The following RAPGEFL1 variants were observed in gnomAD, a reference collection of about 807,000 sequenced individuals.
RAPGEFL1 encodes Rap guanine nucleotide exchange factor like 1, also known as rap guanine nucleotide exchange factor-like 1.
RAPGEFL1 carries 31 observed loss-of-function variants against 64.4 expected under a neutral mutation model. The observed-to-expected ratio is 0.48, with a 90% CI of 0.36 to 0.65. The LOEUF (loss-of-function observed/expected upper bound fraction) is 0.65. RAPGEFL1 is among the 30% of genes least tolerant of loss of function. The pLI is 0.00. For synonymous variants in RAPGEFL1, 331 were observed against 274.1 expected (o/e 1.21, Z -2.05); for missense variants, 682 against 677.4 (o/e 1.01, Z -0.08).
In RAPGEFL1 at chr17:40,189,333, C is replaced by A; in HGVS notation, c.1072C>A (p.Arg358Ser). Reference protein sequence around the residue: ...KLQYSEEPAGREDSLILVAVS... With the variant: ...KLQYSEEPAGSEDSLILVAVS... ...TCAATATTCAGAGGAGCCCGCGGGG[C>A]GTGAGGATTCCCTCATCCTGGTAGC... is the stretch of plus-strand genomic sequence containing the variant. Residue 358 changes from arginine (R) to serine (S), a missense_variant, in exon 6 of 15, where the codon CGT (arginine) becomes AGT (serine). This residue lies in a region of RAPGEFL1 where 411 missense variants were observed against 519.4 expected (regional missense o/e 0.79). Transcript: ENST00000620260. The A allele has an allele frequency of 1.2e-6, 2 of 1,614,102 alleles. No individual in the cohort carries two copies. The highest frequency in any genetic ancestry group is 1.7e-6 in the Non-Finnish European group (2 of 1,180,028).
In RAPGEFL1 at chr17:40,192,701, A is replaced by T; in HGVS notation, c.1744+8A>T. The stretch of plus-strand genomic sequence containing the variant: ...TGCCTCTGATCCTCAAAGGTGAGAG[A>T]GTTACTCCCAAGCTGTGCCGCTTCC... On this transcript the variant is annotated splice_region_variant and intron_variant, in intron 12 of 14. Transcript: ENST00000620260. The T allele has an allele frequency of 6.2e-7, 1 of 1,608,552 alleles. No individual in the cohort carries two copies. The highest frequency in any genetic ancestry group is 1.1e-5 in the South Asian group (1 of 90,934).
chr17:40,177,630 G>T lies in RAPGEFL1; in HGVS notation c.-232G>T, dbSNP rs958461337. ...TTCGGGCCGCGTGCCGGCTGCAGCC[G>T]GCATGGGGGGTTGCTGAGAGCGAGC... On this transcript the variant is annotated 5_prime_UTR_variant, in exon 1 of 15. Transcript: ENST00000620260. The T allele has an allele frequency of 1.0e-5, 4 of 399,992 alleles. No homozygotes were observed. Among genetic ancestry groups the T allele is most frequent in the African/African-American group, 8.3e-5 (4 of 47,932 alleles). 24.8% of individuals were successfully genotyped at this position (399,992 alleles called of 1,614,324 possible). A position where few individuals can be genotyped will look rare whatever the true frequency, so the allele number is the denominator to read the frequency against.
At chr17:40,184,372 TG>T (rs1314515426) in intron 3 of RAPGEFL1, 23 bp downstream of exon 3, 10 of 1,590,540 alleles carry the variant, frequency 6.3e-6, no homozygotes, top group Non-Finnish European at 8.6e-6. Context: ...GAAGAGAAGG[TG>T]GGTAAACAGG....
chr17:40,184,209 G>T lies in RAPGEFL1; in HGVS notation c.600-5G>T. On this transcript the variant is annotated splice_region_variant and splice_polypyrimidine_tract_variant and intron_variant, in intron 2 of 14. Transcript: ENST00000620260. ...CGTAGGGATTTTTCTTAACTTAAGG[G>T]TCAGCTTTGTTCGGGCAGGAGGCAT... is the stretch of plus-strand genomic sequence containing the variant. 1 of 1,599,512 alleles carries T rather than the reference G, an allele frequency of 6.3e-7. No individual in the cohort carries two copies. The highest frequency in any genetic ancestry group is 8.6e-7 in the Non-Finnish European group (1 of 1,167,104).
Position 40,178,100 on chromosome 17 carries a change from C to T in RAPGEFL1, c.239C>T (p.Pro80Leu), listed in dbSNP as rs1185790931. The T allele has an allele frequency of 8.5e-6, 5 of 585,850 alleles. No homozygotes were observed. Among genetic ancestry groups the T allele is most frequent in the Non-Finnish European group, 1.5e-5 (5 of 333,272 alleles). 36.3% of individuals were successfully genotyped at this position (585,850 alleles called of 1,614,324 possible). A position where few individuals can be genotyped will look rare whatever the true frequency, so the allele number is the denominator to read the frequency against. Residue 80 changes from proline to leucine, a missense_variant, in exon 1 of 15, where the codon CCC becomes CTC. Coordinates refer to ENST00000620260, the MANE Select transcript of RAPGEFL1 (RefSeq NM_016339.6). ...CCCGCCGAGCCGGGGCTGGAGCCGCCCCCTGAGGAGGAAGGAGGAGAGCCG... is the reference window on the plus strand; with the variant it reads ...CCCGCCGAGCCGGGGCTGGAGCCGCTCCCTGAGGAGGAAGGAGGAGAGCCG... ...EPPAEPGLEPPPEEEGGEPAG... is the reference protein window; with the variant it reads ...EPPAEPGLEPLPEEEGGEPAG...
In RAPGEFL1 at chr17:40,177,908, C is replaced by A; in HGVS notation, c.47C>A (p.Ala16Glu). The stretch of plus-strand genomic sequence containing the variant: ...CTGAAGAAGCAGACGTCGCAGCTGG[C>A]GGGCCGAACGGTGGCGGGAGGTCCC... ...KFLKKQTSQL[A>E]GRTVAGGPGG... Residue 16 changes from alanine to glutamate, a missense_variant, in exon 1 of 15, where the codon GCG (alanine) becomes GAG (glutamate). This residue lies in a region of RAPGEFL1 where 271 missense variants were observed against 158.0 expected (regional missense o/e 1.72). Coordinates refer to ENST00000620260, the MANE Select transcript of RAPGEFL1 (RefSeq NM_016339.6). 2 of 406,710 alleles carry A rather than the reference C, an allele frequency of 4.9e-6. No homozygotes were observed. The highest frequency in any genetic ancestry group is 8.7e-6 in the Non-Finnish European group (2 of 229,514). The allele number at this position is 406,710 out of a possible 1,614,324, so 25.2% of individuals were successfully genotyped here. A position where few individuals can be genotyped will look rare whatever the true frequency, so the allele number is the denominator to read the frequency against.
intron 4 of RAPGEFL1, among the ~76,000 whole-genome samples, chr17:40,186,516 C>T (rs1351856120): frequency 7.9e-4 from 105 of 133,388 alleles, no homozygotes; most frequent in African/African-American, 2.8e-3. Context: ...TGCAGTGAGC[C>T]GAGATTGCGC....
At chr17:40,185,655 G>A (rs1166032784) in intron 4 of RAPGEFL1, among the ~76,000 whole-genome samples, 1 of 151,610 alleles carries the variant, frequency 6.6e-6, no homozygotes, top group African/African-American at 2.4e-5. Context: ...GTGGTAGGGC[G>A]CTCCTGTAGT....
At chr17:40,192,847 G>A (rs950309252) in intron 12 of RAPGEFL1, 79 bp from the exon 13 acceptor site, 9 of 1,389,060 alleles carry the variant, frequency 6.5e-6, no homozygotes, top group East Asian at 4.6e-5. Context: ...GGGGAAGAGC[G>A]GGGTCCTCGG....
chr17:40,186,368 A>T (rs1990071952), intron 4 of RAPGEFL1, among the ~76,000 whole-genome samples: 1 of 148,378 alleles, frequency 6.7e-6, no homozygotes, highest in African/African-American at 2.5e-5. Flanking sequence ...GGAGATCGAG[A>T]CCATCCTGGC....
intron 8 of RAPGEFL1, 108 bp downstream of exon 8, chr17:40,190,870 GC>G: frequency 4.6e-6 from 7 of 1,511,976 alleles, no homozygotes; most frequent in Non-Finnish European, 6.3e-6. Context: ...CTTGCAGCAA[GC>G]CCTTGGGCAA....
chr17:40,193,459 G>A (rs1567697946), intron 14 of RAPGEFL1, 42 bp downstream of exon 14: 1 of 1,609,636 alleles, frequency 6.2e-7, no homozygotes, highest in East Asian at 2.2e-5. Context: ...ATAGAGCTTT[G>A]ACTGAACGGG....
chr17:40,178,697 C>T (rs1342296532), intron 1 of RAPGEFL1, among the ~76,000 whole-genome samples: 1 of 152,226 alleles, frequency 6.6e-6, no homozygotes, highest in Non-Finnish European at 1.5e-5. Flanking sequence ...AATACCTCCT[C>T]CTGTGGCCCC....
Position 40,184,682 on chromosome 17 carries a change from A to AG in RAPGEFL1, c.833+9dup. 7.8e-6 allele frequency: 12 copies of AG among 1,529,122 alleles called. No individual in the cohort carries two copies. Among genetic ancestry groups the AG allele is most frequent in the Non-Finnish European group, 1.1e-5 (12 of 1,114,148 alleles). The allele number at this position is 1,529,122 out of a possible 1,614,324, so 94.7% of individuals were successfully genotyped here. On this transcript the variant is annotated splice_donor_region_variant and intron_variant, in intron 4 of 14. Transcript: ENST00000620260. Reference sequence around the variant, plus strand: ...TGGTGGAGACGGTGGAACTAAAGTGAGGGGGAGTGGGGCAGGGGCGGGAAC... The same window carrying AG: ...TGGTGGAGACGGTGGAACTAAAGTGAGGGGGGAGTGGGGCAGGGGCGGGAAC...
chr17:40,186,793 C>T (rs1422971354), intron 4 of RAPGEFL1, among the ~76,000 whole-genome samples: 5 of 150,234 alleles, frequency 3.3e-5, no homozygotes, highest in Non-Finnish European at 5.9e-5. Flanking sequence ...ACACGGGAGG[C>T]TGAGGCAGGA....
In RAPGEFL1 at chr17:40,193,891, C is replaced by G; in HGVS notation, c.*103C>G. The G allele has an allele frequency of 5.5e-6, 8 of 1,457,160 alleles. No individual in the cohort carries two copies. The highest frequency in any genetic ancestry group is 1.3e-5 in the South Asian group (1 of 78,846). 90.3% of individuals were successfully genotyped at this position (1,457,160 alleles called of 1,614,324 possible). ...ATCTGACATCTTTCCCGTGGAGCAA[C>G]TTCCTGCTCCACGGGAAAGAGGTCG... is the stretch of plus-strand genomic sequence containing the variant. On this transcript the variant is annotated 3_prime_UTR_variant, in exon 15 of 15. Coordinates refer to ENST00000620260, the MANE Select transcript of RAPGEFL1 (RefSeq NM_016339.6).
chr17:40,191,399 C>G lies in RAPGEFL1; in HGVS notation c.1419C>G (p.Ser473Arg), dbSNP rs1233023569. ...ANLELLLQRC[S>R]EVTHWVATEV... ...TGGAGCTGCTGCTGCAGCGCTGCAGCGAGGTCACGCACTGGGTGGCCACCG... is the reference window on the plus strand; with the variant it reads ...TGGAGCTGCTGCTGCAGCGCTGCAGGGAGGTCACGCACTGGGTGGCCACCG... Residue 473 changes from serine to arginine, a missense_variant, in exon 9 of 15, where the codon AGC (serine) becomes AGG (arginine). Around this residue, in one of 2 missense-constraint regions of RAPGEFL1, gnomAD observed 411 missense variants for 519.4 expected, o/e 0.79. Coordinates refer to ENST00000620260, the MANE Select transcript of RAPGEFL1 (RefSeq NM_016339.6). This position sits in a 1 kb window ranked among gnomAD's most constrained non-coding sequence, Gnocchi z 5.1. 3 of 1,602,486 alleles carry G rather than the reference C, an allele frequency of 1.9e-6. No homozygotes were observed. Among genetic ancestry groups the G allele is most frequent in the Non-Finnish European group, 2.5e-6 (3 of 1,177,992 alleles).
At chr17:40,188,031 C>T (rs989559455) in intron 4 of RAPGEFL1, among the ~76,000 whole-genome samples, 1 of 150,938 alleles carries the variant, frequency 6.6e-6, no homozygotes, top group African/African-American at 2.4e-5. Flanking sequence ...TCTCCTGCCT[C>T]AGCCTCCCAA....
At chr17:40,181,285 A>G in intron 1 of RAPGEFL1, 1 of 490,712 alleles carries the variant, frequency 2.0e-6, no homozygotes, top group Non-Finnish European at 4.0e-6. Flanking sequence ...TCTGTGGGCT[A>G]CTTCTTTTTT....
Sources: allele counts gnomAD v4.1 joint callset (sites outside exome capture counted in the v4.1 genomes callset), GRCh38; gene constraint gnomAD v4.1.1; regional missense constraint gnomAD v4.1.1; non-coding constraint Gnocchi (gnomAD v3.1); transcripts MANE v1.5; gene names NCBI Gene and HGNC (gene_info 2026-07-23, HGNC 2026-07-21).